Variants in ITGBL1 observed in about 807,000 individuals in gnomAD.
ITGBL1 encodes integrin subunit beta like 1, also known as integrin beta-like protein 1.
In ITGBL1, 51 loss-of-function variants were observed where a neutral mutation model predicts 68.5. That is an observed-to-expected ratio of 0.74 (90% CI 0.59 to 0.94). The LOEUF (loss-of-function observed/expected upper bound fraction) is 0.94. Ranked by LOEUF, ITGBL1 falls within the 40% of genes least tolerant of loss-of-function variation. The pLI, the probability that ITGBL1 is intolerant of heterozygous loss-of-function variation, is 0.00. For synonymous variants in ITGBL1, 209 were observed against 227.3 expected (o/e 0.92, Z 0.72); for missense variants, 649 against 647.4 (o/e 1.00, Z -0.03).
chr13:101,540,988 C>T (rs9554799), intron 2 of ITGBL1, among the ~76,000 whole-genome samples: 69,298 of 92,482 alleles, frequency 0.75, 26,832 homozygotes, highest in African/African-American at 0.86. Context: ...TATACAATCA[C>T]GTCATCTGCA....
At chr13:101,570,374 T>C (rs2050252993) in intron 3 of ITGBL1, among the ~76,000 whole-genome samples, 2 of 152,112 alleles carry the variant, frequency 1.3e-5, no homozygotes, top group African/African-American at 4.8e-5. Flanking sequence ...AGGGTCATAT[T>C]GGACCTGCTT....
At chr13:101,568,909 GCA>G (rs2050224445) in intron 3 of ITGBL1, among the ~76,000 whole-genome samples, 1 of 152,064 alleles carries the variant, frequency 6.6e-6, no homozygotes, top group Admixed American at 6.6e-5. Context: ...AATGGTCTTA[GCA>G]GTTAGGTCCC....
intron 7 of ITGBL1, among the ~76,000 whole-genome samples, chr13:101,655,777 A>G (rs901654646): frequency 5.3e-5 from 8 of 152,240 alleles, no homozygotes; most frequent in Admixed American, 2.6e-4. Flanking sequence ...GACGCTGGCC[A>G]TTGCCACAAG....
chr13:101,524,974 T>C (rs1012989732), intron 2 of ITGBL1, among the ~76,000 whole-genome samples: 4 of 152,102 alleles, frequency 2.6e-5, no homozygotes, highest in Non-Finnish European at 4.4e-5. Context: ...TGTATGTTTG[T>C]TGGTGAAAGG....
chr13:101,562,378 A>G (rs1471480595), intron 2 of ITGBL1, among the ~76,000 whole-genome samples: 1 of 151,994 alleles, frequency 6.6e-6, no homozygotes, highest in African/African-American at 2.4e-5. Flanking sequence ...CTTTAAACTC[A>G]CCAGTTAAAA....
chr13:101,661,186 C>T (rs781329325), intron 7 of ITGBL1, among the ~76,000 whole-genome samples: 3 of 151,676 alleles, frequency 2.0e-5, no homozygotes, highest in Admixed American at 6.6e-5. Flanking sequence ...GTACAGATAA[C>T]TCAAAGAATA....
At chr13:101,687,684 G>GC (rs1454902477) in intron 7 of ITGBL1, among the ~76,000 whole-genome samples, 1 of 151,988 alleles carries the variant, frequency 6.6e-6, no homozygotes, top group Non-Finnish European at 1.5e-5. Context: ...TTTTATATGT[G>GC]CCTAAAGATT....
At chr13:101,660,900 G>C (rs753735047) in intron 7 of ITGBL1, among the ~76,000 whole-genome samples, 2 of 152,174 alleles carry the variant, frequency 1.3e-5, no homozygotes, top group Admixed American at 6.5e-5. Context: ...GTCTGGGATT[G>C]AGAAACACAA....
chr13:101,553,240 T>C (rs547304525), intron 2 of ITGBL1, among the ~76,000 whole-genome samples: 6 of 152,164 alleles, frequency 3.9e-5, no homozygotes, highest in African/African-American at 7.2e-5. Flanking sequence ...AGGAGAAATA[T>C]ATACTTTTGT....
Position 101,715,726 on chromosome 13 carries a change from T to A in ITGBL1, c.*72T>A. ...GAACAGATAAATGCGAAGGAAACCA[T>A]GTATATTCACCACTAGGACAGGTTA... On this transcript the variant is annotated 3_prime_UTR_variant, in exon 11 of 11. Coordinates refer to ENST00000376180, the MANE Select transcript of ITGBL1 (RefSeq NM_004791.3). 2.1e-6 allele frequency: 2 copies of A among 964,478 alleles called. No individual in the cohort carries two copies. Among genetic ancestry groups the A allele is most frequent in the East Asian group, 4.8e-5 (2 of 41,954 alleles). The allele number at this position is 964,478 out of a possible 1,614,324, so 59.7% of individuals were successfully genotyped here.
intron 8 of ITGBL1, among the ~76,000 whole-genome samples, chr13:101,704,964 A>G (rs934095622): frequency 3.3e-5 from 5 of 152,186 alleles, no homozygotes; most frequent in African/African-American, 1.2e-4. Context: ...CTGTGTGACA[A>G]GAACAGTCAT....
At chr13:101,633,781 A>AT (rs1566767251) in intron 7 of ITGBL1, among the ~76,000 whole-genome samples, 3 of 152,218 alleles carry the variant, frequency 2.0e-5, no homozygotes, top group Non-Finnish European at 4.4e-5. Flanking sequence ...AAATCTAGAA[A>AT]AAATCCACAA....
rs533391883 is a variant in ITGBL1, at chr13:101,586,145, G to A, written c.868+2789G>A. ...GAGCAGGTGAAGTGTCATTAAGGAG[G>A]CTGCACTGGAATCTAATTTTCCACC... On this transcript the variant is annotated intron_variant, in intron 6 of 10. Transcript: ENST00000376180. Among the ~76,000 whole-genome samples the A allele has an allele frequency of 2.0e-5, 3 of 152,264 alleles. 1 individual carries two copies. The South Asian group carries it at 6.2e-4, about 32-fold the overall frequency.
chr13:101,558,080 T>G (rs1357387705), intron 2 of ITGBL1, among the ~76,000 whole-genome samples: 1 of 52,764 alleles, frequency 1.9e-5, no homozygotes, highest in African/African-American at 1.0e-4. Flanking sequence ...CAAAACTCCG[T>G]CTCAAAAAAA....
At chr13:101,592,272 T>C (rs186603404) in intron 6 of ITGBL1, among the ~76,000 whole-genome samples, 3 of 152,274 alleles carry the variant, frequency 2.0e-5, no homozygotes, top group African/African-American at 4.8e-5. Context: ...GTTACTGGTT[T>C]TACTCTAAGG....
chr13:101,659,353 A>T (rs1376112176), intron 7 of ITGBL1, among the ~76,000 whole-genome samples: 2 of 152,206 alleles, frequency 1.3e-5, no homozygotes, highest in Admixed American at 1.3e-4. Context: ...AATTATAACA[A>T]ATATTTTAGT....
chr13:101,542,376 T>G (rs1025077327), intron 2 of ITGBL1, among the ~76,000 whole-genome samples: 1 of 152,218 alleles, frequency 6.6e-6, no homozygotes, highest in Non-Finnish European at 1.5e-5. Context: ...TTGAGTGAGT[T>G]TCTTAATCCT....
chr13:101,546,569 A>G (rs942054840), intron 2 of ITGBL1, among the ~76,000 whole-genome samples: 1 of 151,966 alleles, frequency 6.6e-6, no homozygotes, highest in Non-Finnish European at 1.5e-5. Flanking sequence ...TGCAAACTTA[A>G]TTTTAAAAAC....
intron 2 of ITGBL1, among the ~76,000 whole-genome samples, chr13:101,472,073 T>TC (rs2048469155): frequency 6.6e-6 from 1 of 152,240 alleles, no homozygotes; most frequent in Non-Finnish European, 1.5e-5. Context: ...TTTAGGGAAT[T>TC]CATTTTTATG....
Sources: allele counts gnomAD v4.1 joint callset (sites outside exome capture counted in the v4.1 genomes callset), GRCh38; gene constraint gnomAD v4.1.1; transcripts MANE v1.5; gene names NCBI Gene and HGNC (gene_info 2026-07-23, HGNC 2026-07-21).